The following ANO4 variants were observed in gnomAD, a reference collection of about 807,000 sequenced individuals.
ANO4 encodes the protein anoctamin 4.
Under a neutral mutation model 141.9 loss-of-function variants are expected in ANO4, and 69 were observed. The observed-to-expected ratio is 0.49, with a 90% CI of 0.40 to 0.59. ANO4 has a LOEUF of 0.59. Among genes scored for constraint, ANO4 ranks in the 20% least tolerant of loss-of-function variants. ANO4 has a pLI of 0.00. For synonymous variants in ANO4, 350 were observed against 394.3 expected, an observed-to-expected ratio of 0.89 and a Z score of 1.33; for missense variants, 894 against 1,162.2, an observed-to-expected ratio of 0.77 and a Z score of 3.36.
chr12:100,909,020 A>G (rs2040976666), intron 2 of ANO4, among the ~76,000 whole-genome samples: 1 of 152,232 alleles, frequency 6.6e-6, no homozygotes, highest in Admixed American at 6.5e-5. Flanking sequence ...TAAGGCACTC[A>G]GTCATGTCCA....
At chr12:101,018,629 A>G (rs1254612090) in intron 8 of ANO4, among the ~76,000 whole-genome samples, 2 of 152,148 alleles carry the variant, frequency 1.3e-5, no homozygotes, top group East Asian at 3.8e-4. Flanking sequence ...CATTTCCTTG[A>G]AGAAAAACAT....
At chr12:100,838,270 C>A (rs2037055830) in intron 1 of ANO4, among the ~76,000 whole-genome samples, 1 of 151,122 alleles carries the variant, frequency 6.6e-6, no homozygotes, top group Non-Finnish European at 1.5e-5. Flanking sequence ...AGAGTTACCA[C>A]CTGCTGCTAT....
In ANO4 at chr12:100,878,361, G is replaced by T. The variant is rs114416183; in HGVS notation, c.-140-23285G>T. On this transcript the variant is annotated intron_variant, in intron 1 of 27. Transcript: ENST00000392977. Reference sequence around the variant, plus strand: ...ATGCACAATGTTGTGTCCAACACAGGGTGGGCACTTAATAGGTGTTAATTC... The same window carrying T: ...ATGCACAATGTTGTGTCCAACACAGTGTGGGCACTTAATAGGTGTTAATTC... Among the ~76,000 whole-genome samples the T allele has an allele frequency of 8.1e-3, 1,227 of 152,218 alleles. 19 individuals are homozygous for T. The highest frequency in any genetic ancestry group is 0.028 in the African/African-American group (1,149 of 41,530).
At chr12:100,970,257 T>G (rs569468721) in intron 5 of ANO4, among the ~76,000 whole-genome samples, 59 of 152,358 alleles carry the variant, frequency 3.9e-4, no homozygotes, top group Non-Finnish European at 7.5e-4. Flanking sequence ...ACAGCCACAG[T>G]GACCTTTGAC....
At chr12:100,858,231 G>C (rs2038285532) in intron 1 of ANO4, among the ~76,000 whole-genome samples, 1 of 152,162 alleles carries the variant, frequency 6.6e-6, no homozygotes, top group African/African-American at 2.4e-5. Context: ...TACATAGCTA[G>C]GGTACATGGT....
At chr12:101,063,132 G>A (rs1566194269) in intron 14 of ANO4, among the ~76,000 whole-genome samples, 1 of 152,236 alleles carries the variant, frequency 6.6e-6, no homozygotes, top group Non-Finnish European at 1.5e-5. Flanking sequence ...CTCTTGGCTA[G>A]GGGAGGGAGT....
chr12:100,933,814 C>A (rs1042749107), intron 3 of ANO4, among the ~76,000 whole-genome samples: 1 of 152,236 alleles, frequency 6.6e-6, no homozygotes, highest in Non-Finnish European at 1.5e-5. Context: ...GAGATGGTAT[C>A]TCATTGTGGT....
chr12:100,806,524 G>GT (rs763949654), intron 1 of ANO4, among the ~76,000 whole-genome samples: 1 of 59,882 alleles, frequency 1.7e-5, no homozygotes, highest in African/African-American at 5.6e-5. Flanking sequence ...TTTTTGTTTC[G>GT]TTTTTTTTTT....
At chr12:100,745,082 A>C (rs1002228978) in intron 3 of ANO4, among the ~76,000 whole-genome samples, 3 of 152,134 alleles carry the variant, frequency 2.0e-5, no homozygotes, top group Admixed American at 6.6e-5. Context: ...TAAACACTTC[A>C]TACAGGGTAC....
chr12:100,826,826 A>C (rs955387277), intron 1 of ANO4, among the ~76,000 whole-genome samples: 3 of 151,940 alleles, frequency 2.0e-5, no homozygotes, highest in African/African-American at 7.2e-5. Context: ...TTTGTTACTG[A>C]GGCTGAAATC....
intron 24 of ANO4, 25 bp downstream of exon 24, chr12:101,111,735 A>G: frequency 1.3e-6 from 2 of 1,551,714 alleles, no homozygotes; most frequent in East Asian, 2.4e-5. Context: ...AAACCACTAT[A>G]CAGTTTCTAT....
chr12:100,751,735 G>A (rs1292910094), intron 3 of ANO4, among the ~76,000 whole-genome samples: 1 of 152,040 alleles, frequency 6.6e-6, no homozygotes, highest in Non-Finnish European at 1.5e-5. Flanking sequence ...AATGGCAGTG[G>A]GATAGGCTAG....
chr12:100,850,652 G>A (rs1415012437), intron 1 of ANO4, among the ~76,000 whole-genome samples: 1 of 152,090 alleles, frequency 6.6e-6, no homozygotes, highest in Non-Finnish European at 1.5e-5. Flanking sequence ...TTTTAAGTAA[G>A]AGTCATTTTT....
chr12:100,968,877 C>T (rs943403260), intron 5 of ANO4, among the ~76,000 whole-genome samples: 28 of 152,234 alleles, frequency 1.8e-4, no homozygotes, highest in Non-Finnish European at 2.9e-4. Context: ...CTATGGGCAT[C>T]GCAGCCTGTG....
At chr12:100,747,725 T>C (rs1443477051) in intron 3 of ANO4, among the ~76,000 whole-genome samples, 1 of 151,904 alleles carries the variant, frequency 6.6e-6, no homozygotes, top group Non-Finnish European at 1.5e-5. Flanking sequence ...ATACAAAAAT[T>C]AGCTGGGTGT....
At chr12:100,971,137 T>G (rs541767682) in intron 5 of ANO4, among the ~76,000 whole-genome samples, 169 bp from the exon 6 acceptor site, 4 of 152,194 alleles carry the variant, frequency 2.6e-5, no homozygotes, top group Non-Finnish European at 5.9e-5. Flanking sequence ...ACACACACAG[T>G]GGGATGTTTG....
chr12:100,938,043 G>A (rs535753876), intron 3 of ANO4, among the ~76,000 whole-genome samples: 2 of 152,180 alleles, frequency 1.3e-5, no homozygotes, highest in African/African-American at 2.4e-5. Context: ...ATCACCTTTG[G>A]GGGGGTCATA....
At chr12:100,734,889 T>G (rs1336365750) in intron 2 of ANO4, among the ~76,000 whole-genome samples, 6 of 152,114 alleles carry the variant, frequency 3.9e-5, no homozygotes, top group Non-Finnish European at 5.9e-5. Context: ...ATTTTGCAGA[T>G]GAGATTTAAA....
chr12:100,805,380 G>C (rs1268719732), intron 1 of ANO4, among the ~76,000 whole-genome samples: 2 of 152,186 alleles, frequency 1.3e-5, no homozygotes, highest in East Asian at 3.8e-4. Flanking sequence ...AAGTCCGGTA[G>C]TGTGATGTCT....
Sources: gnomAD v4.1 joint callset for allele counts (sites outside exome capture counted in the v4.1 genomes callset) on GRCh38, gnomAD v4.1.1 for gene constraint, MANE v1.5 for transcripts, NCBI Gene and HGNC (gene_info 2026-07-23, HGNC 2026-07-21) for gene names.